The following BTBD3 variants were observed in gnomAD, a reference collection of about 807,000 sequenced individuals.
BTBD3 encodes BTB domain containing 3.
In BTBD3, 14 loss-of-function variants were observed where a neutral mutation model predicts 41.6. That is an observed-to-expected ratio of 0.34 (90% CI 0.22 to 0.53). The LOEUF (loss-of-function observed/expected upper bound fraction) is 0.53, where lower values mean the gene tolerates loss of function less well. Ranked by LOEUF, BTBD3 falls within the 20% of genes least tolerant of loss-of-function variation. The pLI is 0.95. For missense variants in BTBD3, 426 were observed against 654.7 expected (o/e 0.65, Z 3.81); for synonymous variants, 249 against 233.7 (o/e 1.07, Z -0.60).
chr20:11,892,392 G>GTTAC (rs2056760622), intron 1 of BTBD3: 1 of 152,312 alleles, frequency 6.6e-6, no homozygotes, highest in East Asian at 1.9e-4. Flanking sequence ...TCCCCCACAG[G>GTTAC]TTACTGGCTT....
intron 1 of BTBD3, among the ~76,000 whole-genome samples, chr20:11,895,949 C>A (rs1237628129): frequency 6.6e-6 from 1 of 152,112 alleles, no homozygotes; most frequent in Non-Finnish European, 1.5e-5. Context: ...CATTACAGTT[C>A]TTTAAGTCCT....
At chr20:11,914,034 A>T (rs1006365215), upstream of BTBD3, among the ~76,000 whole-genome samples, 6 of 152,316 alleles carry the variant, frequency 3.9e-5, no homozygotes, top group Middle Eastern at 3.4e-3. Flanking sequence ...GAATACTTTC[A>T]TACAAACTTG....
Position 11,919,826 on chromosome 20 carries a change from G to A in BTBD3, c.526G>A (p.Ala176Thr), listed in dbSNP as rs749413025. The A allele has an allele frequency of 2.4e-5, 38 of 1,613,494 alleles. No individual in the cohort carries two copies. Among genetic ancestry groups the A allele is most frequent in the Admixed American group, 5.0e-5 (3 of 60,008 alleles). Residue 176 changes from alanine to threonine, a missense_variant, in exon 3 of 4, where the codon GCT becomes ACT. By Grantham distance (58) the Ala-to-Thr change is moderately conservative (BLOSUM62 0). This residue lies in a region of BTBD3 where 321 missense variants were observed against 534.8 expected (regional missense o/e 0.60). Coordinates refer to ENST00000378226, the MANE Select transcript of BTBD3 (RefSeq NM_014962.4). ...IPDVEPAAFL[A>T]MLKYIYCDEI... The stretch of plus-strand genomic sequence containing the variant: ...AGATGTCGAACCTGCTGCTTTTCTC[G>A]CTATGCTGAAGTAAGCATCATTCGT...
At chr20:11,903,730 C>T (rs1017165468) in intron 1 of BTBD3, among the ~76,000 whole-genome samples, 11 of 152,044 alleles carry the variant, frequency 7.2e-5, no homozygotes, top group Admixed American at 1.3e-4. Context: ...CTTCAGCGTC[C>T]GGAGTAGCTG....
At chr20:11,899,142 G>A (rs2056808695) in intron 1 of BTBD3, among the ~76,000 whole-genome samples, 1 of 151,972 alleles carries the variant, frequency 6.6e-6, no homozygotes, top group African/African-American at 2.4e-5. Flanking sequence ...TTGCTGTTTG[G>A]GACATCTTTC....
chr20:11,914,391 T>G (rs1251175002), upstream of BTBD3, among the ~76,000 whole-genome samples: 1 of 152,216 alleles, frequency 6.6e-6, no homozygotes, highest in East Asian at 1.9e-4. Flanking sequence ...AACATTTTAT[T>G]GTATTTTGGG....
chr20:11,917,445 G>A (rs965430354), upstream of BTBD3, among the ~76,000 whole-genome samples: 2 of 152,164 alleles, frequency 1.3e-5, no homozygotes, highest in East Asian at 1.9e-4. Flanking sequence ...GAAAAATAAC[G>A]TCCTTTGCCT....
chr20:11,908,316 C>T (rs1243573776), intron 1 of BTBD3, among the ~76,000 whole-genome samples: 5 of 24,398 alleles, frequency 2.0e-4, no homozygotes, highest in South Asian at 1.7e-3. Context: ...GGTTGCTTCT[C>T]TGTGGTTTTT....
intron 1 of BTBD3, among the ~76,000 whole-genome samples, chr20:11,900,045 T>C (rs112831230): frequency 4.6e-5 from 7 of 152,352 alleles, no homozygotes; most frequent in African/African-American, 1.7e-4. Context: ...TTAATTTTTC[T>C]ATGATGCTAT....
intron 1 of BTBD3, among the ~76,000 whole-genome samples, chr20:11,899,576 T>C (rs896937583): frequency 1.3e-5 from 2 of 152,114 alleles, no homozygotes; most frequent in Admixed American, 6.5e-5. Flanking sequence ...TTGTATTTTA[T>C]TTTTACTTCC....
At chr20:11,902,549 A>G (rs1272387230) in intron 1 of BTBD3, among the ~76,000 whole-genome samples, 1 of 152,224 alleles carries the variant, frequency 6.6e-6, no homozygotes, top group East Asian at 1.9e-4. Flanking sequence ...TTTTACTGCC[A>G]TAAGCAATAT....
chr20:11,896,286 C>T (rs1490183320), intron 1 of BTBD3, among the ~76,000 whole-genome samples: 2 of 152,228 alleles, frequency 1.3e-5, no homozygotes, highest in African/African-American at 2.4e-5. Context: ...GTGATGGGCT[C>T]TTCAAATTGG....
At chr20:11,906,069 A>G (rs1214379065) in intron 1 of BTBD3, among the ~76,000 whole-genome samples, 1 of 151,964 alleles carries the variant, frequency 6.6e-6, no homozygotes, top group Non-Finnish European at 1.5e-5. Context: ...TTATTTATTT[A>G]TTTATTTTGG....
At chr20:11,919,197 C>A in intron 2 of BTBD3, 21 bp downstream of exon 2, 2 of 1,603,068 alleles carry the variant, frequency 1.2e-6, no homozygotes, top group South Asian at 1.1e-5. Flanking sequence ...GCTGCATGAC[C>A]GGTTTAGTCC....
chr20:11,918,218 T>C lies in BTBD3; in HGVS notation c.-58T>C. On this transcript the variant is annotated 5_prime_UTR_variant, in exon 1 of 4. Transcript: ENST00000378226. Reference sequence around the variant, plus strand: ...CCTCTTAGCCCGGGCTAATCTCTTTTCCTTGATGTTCAAACCAATTTGGGA... The same window carrying C: ...CCTCTTAGCCCGGGCTAATCTCTTTCCCTTGATGTTCAAACCAATTTGGGA... 1 of 1,507,270 alleles carries C rather than the reference T, an allele frequency of 6.6e-7. No individual in the cohort carries two copies. Among genetic ancestry groups the C allele is most frequent in the Non-Finnish European group, 8.8e-7 (1 of 1,137,784 alleles). The allele number at this position is 1,507,270 out of a possible 1,614,324, so 93.4% of individuals were successfully genotyped here.
chr20:11,891,015 G>A, intron 1 of BTBD3: 4 of 970,424 alleles, frequency 4.1e-6, no homozygotes, highest in Non-Finnish European at 4.9e-6. Context: ...GCGCGGGACC[G>A]CCCGGGCAGG....
chr20:11,891,059 G>C, intron 1 of BTBD3: 1 of 820,250 alleles, frequency 1.2e-6, no homozygotes, highest in Non-Finnish European at 1.5e-6. Context: ...GAGGGGCCGA[G>C]CGAAGCGAGG....
At chr20:11,897,534 C>A (rs1481137257) in intron 1 of BTBD3, among the ~76,000 whole-genome samples, 1 of 140,714 alleles carries the variant, frequency 7.1e-6, no homozygotes, top group Non-Finnish European at 1.5e-5. Context: ...CCTGACTCTT[C>A]TCTTTCTCTC....
intron 1 of BTBD3, among the ~76,000 whole-genome samples, chr20:11,895,715 T>C (rs2056782804): frequency 1.3e-5 from 2 of 152,196 alleles, no homozygotes; most frequent in African/African-American, 4.8e-5. Flanking sequence ...CTGCCAATGG[T>C]CTACAGTGAG....
Sources: allele counts gnomAD v4.1 joint callset (sites outside exome capture counted in the v4.1 genomes callset), GRCh38; gene constraint gnomAD v4.1.1; regional missense constraint gnomAD v4.1.1; transcripts MANE v1.5; gene names NCBI Gene and HGNC (gene_info 2026-07-23, HGNC 2026-07-21).